Variants in RGS9 observed in about 807,000 individuals in gnomAD.
RGS9 encodes regulator of G protein signaling 9.
In RGS9, 78 loss-of-function variants were observed where a neutral mutation model predicts 102.0. The observed-to-expected ratio is 0.76, with a 90% CI of 0.64 to 0.92. The LOEUF is 0.92. Ranked by LOEUF, RGS9 falls within the 40% of genes least tolerant of loss-of-function variation. The pLI is 0.00. For missense variants in RGS9, 833 were observed against 866.1 expected, an observed-to-expected ratio of 0.96 and a Z score of 0.48; for synonymous variants, 353 against 318.6, an observed-to-expected ratio of 1.11 and a Z score of -1.15.
chr17:65,186,006 T>C (rs1912100217), intron 9 of RGS9, among the ~76,000 whole-genome samples: 1 of 152,088 alleles, frequency 6.6e-6, no homozygotes, highest in Non-Finnish European at 1.5e-5. Context: ...GCAGAAAGCT[T>C]GATGCTGGGG....
intron 7 of RGS9, among the ~76,000 whole-genome samples, chr17:65,163,884 T>C (rs1001263365): frequency 2.6e-5 from 4 of 152,148 alleles, no homozygotes; most frequent in Non-Finnish European, 5.9e-5. Context: ...CAAGAGTGGA[T>C]CGTGAGAGGG....
intron 8 of RGS9, among the ~76,000 whole-genome samples, chr17:65,170,342 C>T (rs1460457511): frequency 1.3e-5 from 2 of 152,252 alleles, no homozygotes; most frequent in Non-Finnish European, 2.9e-5. Context: ...CGTGAGCCAC[C>T]GCGCCTGGCC....
chr17:65,172,439 A>G (rs80176171), intron 8 of RGS9, among the ~76,000 whole-genome samples: 5,327 of 152,018 alleles, frequency 0.035, 329 homozygotes, highest in African/African-American at 0.12. Context: ...TCCTGACTCT[A>G]CCTTGGCCTC....
At chr17:65,190,130 G>A (rs1386184671) in intron 10 of RGS9, 45 bp from the exon 11 acceptor site, 5 of 1,451,548 alleles carry the variant, frequency 3.4e-6, no homozygotes, top group Non-Finnish European at 4.8e-6. Flanking sequence ...GACACTGAAG[G>A]GTGGGAGGGG....
intron 9 of RGS9, among the ~76,000 whole-genome samples, chr17:65,188,392 C>G (rs1052912901): frequency 2.6e-5 from 4 of 152,172 alleles, no homozygotes; most frequent in Non-Finnish European, 5.9e-5. Flanking sequence ...CAGGGCAGCT[C>G]AACTCGGGGA....
chr17:65,226,968 G>C (rs924704895), intron 18 of RGS9, among the ~76,000 whole-genome samples: 1 of 151,948 alleles, frequency 6.6e-6, no homozygotes, highest in African/African-American at 2.4e-5. Flanking sequence ...TGTCCTACAG[G>C]GACCTCCTGA....
At position 65,225,247 on chromosome 17, in the gene RGS9, C is replaced by T. The variant is rs2144135368; in HGVS notation, c.1653C>T (p.Pro551=). The T allele has an allele frequency of 1.2e-6, 2 of 1,610,042 alleles. No homozygotes were observed. The highest frequency in any genetic ancestry group is 1.7e-6 in the Non-Finnish European group (2 of 1,179,994). The part of the protein sequence containing the change: ...ECSGSMAPRG[P]SVTESSEASL... ...GCGGGTCCATGGCCCCCCGTGGGCC[C>T]TCTGTCACCGAGAGCAGCGAGGCCT... Residue 551 remains proline (P), a synonymous_variant, in exon 18 of 19, where the codon CCC becomes CCT. Coordinates refer to ENST00000262406, the MANE Select transcript of RGS9 (RefSeq NM_003835.4).
At chr17:65,140,798 C>G (rs1421732988) in intron 1 of RGS9, among the ~76,000 whole-genome samples, 2 of 152,064 alleles carry the variant, frequency 1.3e-5, no homozygotes, top group African/African-American at 4.8e-5. Flanking sequence ...TTGCTTGAAC[C>G]CGGGAGGTGG....
chr17:65,198,781 C>G (rs903787209), intron 13 of RGS9, among the ~76,000 whole-genome samples: 3 of 152,246 alleles, frequency 2.0e-5, no homozygotes, highest in Admixed American at 6.5e-5. Context: ...GCTCCAGAAA[C>G]GAATCCTACT....
intron 17 of RGS9, among the ~76,000 whole-genome samples, chr17:65,215,520 C>T (rs1183770630): frequency 7.3e-6 from 1 of 137,666 alleles, no homozygotes; most frequent in African/African-American, 3.1e-5. Context: ...TTCTTTCTTT[C>T]TTTCTTTCTT....
rs557626007 is a variant in RGS9, at chr17:65,217,289, C to A, written c.1407+6684C>A. 2.6e-5 allele frequency among the ~76,000 whole-genome samples: 4 copies of A among 152,340 alleles called. No individual in the cohort carries two copies. In the East Asian group the frequency reaches 7.7e-4, roughly 29 times the overall value. ...CATGGGGCTCCACCTCCATCTCATC[C>A]CCTGCTGTGGACCTGGGAGTCCCTC... On this transcript the variant is annotated intron_variant, in intron 17 of 18. Coordinates refer to ENST00000262406, the MANE Select transcript of RGS9 (RefSeq NM_003835.4).
In RGS9 at chr17:65,227,485, C is replaced by T. The variant is rs565825179; in HGVS notation, c.*78C>T. On this transcript the variant is annotated 3_prime_UTR_variant, in exon 19 of 19. Transcript: ENST00000262406. Reference sequence around the variant, plus strand: ...ATGCCATGGTATGGGCCACAGGACACACTTGCTCGAGAACCAAAGTGCATT... The same window carrying T: ...ATGCCATGGTATGGGCCACAGGACATACTTGCTCGAGAACCAAAGTGCATT... The T allele has an allele frequency of 1.3e-6, 2 of 1,541,876 alleles. No homozygotes were observed. The highest frequency in any genetic ancestry group is 1.4e-5 in the African/African-American group (1 of 73,122).
chr17:65,204,763 C>T lies in RGS9; in HGVS notation c.1203+462C>T, dbSNP rs116847580. ...CAACATTATAATAACAGCCATCATT[C>T]GTTGAGGGCTTACAAGGTGCAGTCG... is the stretch of plus-strand genomic sequence containing the variant. On this transcript the variant is annotated intron_variant, in intron 15 of 18. Transcript: ENST00000262406. 2.9e-3 allele frequency among the ~76,000 whole-genome samples: 441 copies of T among 152,222 alleles called. 14 individuals carry two copies. In the East Asian group the frequency reaches 0.071, roughly 24 times the overall value.
At chr17:65,196,369 T>C (rs1279479062) in intron 12 of RGS9, among the ~76,000 whole-genome samples, 1 of 152,104 alleles carries the variant, frequency 6.6e-6, no homozygotes, top group Non-Finnish European at 1.5e-5. Context: ...GGAAAAATGG[T>C]GTGAGGGACT....
chr17:65,193,343 A>G (rs1216225635), intron 11 of RGS9, among the ~76,000 whole-genome samples, 200 bp from the exon 12 acceptor site: 1 of 152,180 alleles, frequency 6.6e-6, no homozygotes, highest in African/African-American at 2.4e-5. Context: ...TTCATTTCAC[A>G]AGTAGAATTG....
intron 6 of RGS9, 57 bp downstream of exon 6, chr17:65,160,966 C>A: frequency 7.2e-7 from 1 of 1,398,068 alleles, no homozygotes; most frequent in Non-Finnish European, 1.0e-6. Flanking sequence ...TAGTTTTGAG[C>A]TGTACTTTCC....
chr17:65,224,176 A>G (rs910387391), intron 17 of RGS9, among the ~76,000 whole-genome samples: 7 of 152,196 alleles, frequency 4.6e-5, no homozygotes, highest in Non-Finnish European at 1.0e-4. Context: ...AGACAGGCTC[A>G]CTGAAAATTC....
At chr17:65,151,126 C>G (rs1048231973) in intron 1 of RGS9, among the ~76,000 whole-genome samples, 1 of 152,108 alleles carries the variant, frequency 6.6e-6, no homozygotes, top group African/African-American at 2.4e-5. Context: ...AGGTGGATCA[C>G]TTGAGGTCAG....
intron 9 of RGS9, among the ~76,000 whole-genome samples, chr17:65,178,773 G>A (rs1191375284): frequency 2.0e-5 from 3 of 152,202 alleles, no homozygotes; most frequent in African/African-American, 7.2e-5. Context: ...CCAAAGCACT[G>A]AGATTACAGG....
Sources: gnomAD v4.1 joint callset for allele counts (sites outside exome capture counted in the v4.1 genomes callset) on GRCh38, gnomAD v4.1.1 for gene constraint, MANE v1.5 for transcripts, NCBI Gene and HGNC (gene_info 2026-07-23, HGNC 2026-07-21) for gene names.